FBXW10B: variants seen among roughly 807,000 people sequenced by gnomAD.
FBXW10B encodes the protein F-box and WD repeat domain containing protein 10B.
At chr17:15,593,506 A>G in the FBXW10B span, 1 of 1,614,126 alleles carries the variant, frequency 6.2e-7, no homozygotes. Context: ...CTGGAAGGGA[A>G]CAGAGTAGCA....
the FBXW10B span, among the ~76,000 whole-genome samples, chr17:15,601,076 T>G: frequency 1.4e-5 from 1 of 72,778 alleles, no homozygotes; most frequent in Non-Finnish European, 2.8e-5. Flanking sequence ...AAAAAGATAA[T>G]ATATTGTCAT....
At chr17:15,565,986 A>G in the FBXW10B span, 24 of 1,611,162 alleles carry the variant, frequency 1.5e-5, no homozygotes, top group Non-Finnish European at 2.0e-5. Flanking sequence ...ACTGGGCTCT[A>G]GGACTGTGCA....
the FBXW10B span, among the ~76,000 whole-genome samples, chr17:15,586,545 C>T: frequency 6.6e-6 from 1 of 151,686 alleles, no homozygotes. Flanking sequence ...GAAATCCATG[C>T]ATAGTCTTTT....
the FBXW10B span, among the ~76,000 whole-genome samples, chr17:15,591,393 G>A: frequency 1.3e-5 from 2 of 152,140 alleles, no homozygotes; most frequent in East Asian, 1.9e-4. Context: ...GGGTTCAAGC[G>A]ATTCTCGTGC....
chr17:15,605,549 G>A, the FBXW10B span: 8 of 1,440,738 alleles, frequency 5.6e-6, no homozygotes, highest in Non-Finnish European at 7.4e-6. Flanking sequence ...TTCAACAAGG[G>A]AGGCAGCAGA....
chr17:15,575,319 TG>T, the FBXW10B span, among the ~76,000 whole-genome samples: 1 of 140,096 alleles, frequency 7.1e-6, no homozygotes, highest in Non-Finnish European at 1.5e-5. Flanking sequence ...ATGGAGGTTG[TG>T]GGGCCTGAGG....
chr17:15,592,625 A>AC, the FBXW10B span, among the ~76,000 whole-genome samples: 2 of 150,152 alleles, frequency 1.3e-5, no homozygotes, highest in Non-Finnish European at 3.0e-5. Flanking sequence ...TGCTGCTGCC[A>AC]CCCCCCACTC....
chr17:15,589,891 A>AC, the FBXW10B span, among the ~76,000 whole-genome samples: 1 of 152,160 alleles, frequency 6.6e-6, no homozygotes, highest in African/African-American at 2.4e-5. Flanking sequence ...ATGCGATTAC[A>AC]CCTTTACCAT....
the FBXW10B span, among the ~76,000 whole-genome samples, chr17:15,567,010 G>A: frequency 6.6e-6 from 1 of 151,020 alleles, no homozygotes; most frequent in East Asian, 2.0e-4. Context: ...GGTGGCTCAC[G>A]CCTGTAATCC....
chr17:15,607,035 A>G, the FBXW10B span, among the ~76,000 whole-genome samples: 1 of 152,008 alleles, frequency 6.6e-6, no homozygotes, highest in Non-Finnish European at 1.5e-5. Flanking sequence ...TACGATTGTC[A>G]TATTTACCAT....
the FBXW10B span, among the ~76,000 whole-genome samples, chr17:15,591,138 G>T: frequency 6.6e-6 from 1 of 152,218 alleles, no homozygotes; most frequent in East Asian, 1.9e-4. Context: ...CCTGAAGAGA[G>T]CCTCAGCATG....
chr17:15,582,693 T>A, the FBXW10B span, among the ~76,000 whole-genome samples: 1 of 151,920 alleles, frequency 6.6e-6, no homozygotes, highest in South Asian at 2.1e-4. Context: ...ATATGTAAAA[T>A]GTGACAAAAT....
the FBXW10B span, among the ~76,000 whole-genome samples, chr17:15,591,353 G>A: frequency 3.9e-5 from 6 of 152,088 alleles, no homozygotes; most frequent in African/African-American, 7.2e-5. Flanking sequence ...GCAGTGGTGC[G>A]ATCTCGGCTC....
chr17:15,604,149 A>G, the FBXW10B span, among the ~76,000 whole-genome samples: 1 of 151,678 alleles, frequency 6.6e-6, no homozygotes, highest in Non-Finnish European at 1.5e-5. Context: ...ATGAGTTATG[A>G]TACAATCATC....
chr17:15,603,281 T>A, the FBXW10B span, among the ~76,000 whole-genome samples: 2 of 151,810 alleles, frequency 1.3e-5, no homozygotes, highest in Admixed American at 6.6e-5. Context: ...AGATGGCCTT[T>A]GGGCTTCATC....
At chr17:15,616,139 C>A in the FBXW10B span, among the ~76,000 whole-genome samples, 1 of 151,922 alleles carries the variant, frequency 6.6e-6, no homozygotes, top group Non-Finnish European at 1.5e-5. Flanking sequence ...TAACCACCCT[C>A]GAGTCAAAAT....
the FBXW10B span, chr17:15,618,887 C>T: frequency 3.3e-6 from 5 of 1,525,942 alleles, no homozygotes; most frequent in Non-Finnish European, 4.4e-6. Context: ...AAAACCTATG[C>T]TGCATTCTGT....
chr17:15,600,581 G>C, the FBXW10B span, among the ~76,000 whole-genome samples: 1 of 151,200 alleles, frequency 6.6e-6, no homozygotes, highest in South Asian at 2.1e-4. Context: ...ATAAGCCAAA[G>C]TCATAACAGC....
At chr17:15,596,558 C>G in the FBXW10B span, 1 of 1,611,022 alleles carries the variant, frequency 6.2e-7, no homozygotes, top group Non-Finnish European at 8.5e-7. Flanking sequence ...TTCACCAGCC[C>G]TCGCTCACAG....
Sources: allele counts gnomAD v4.1 joint callset (sites outside exome capture counted in the v4.1 genomes callset), GRCh38; gene constraint gnomAD v4.1.1; transcripts MANE v1.5; gene names NCBI Gene and HGNC (gene_info 2026-07-23, HGNC 2026-07-21).